Variants in VAV1 observed in about 807,000 individuals in gnomAD.
VAV1 encodes the protein proto-oncogene vav.
VAV1 carries 33 observed loss-of-function variants against 128.1 expected under a neutral mutation model. That is an observed-to-expected ratio of 0.26 (90% CI 0.20 to 0.34). VAV1 has a LOEUF of 0.34. Among genes scored for constraint, VAV1 ranks in the 10% least tolerant of loss-of-function variants. VAV1 has a pLI of 1.00. For missense variants in VAV1, 715 were observed against 1,093.7 expected (o/e 0.65, Z 4.88); for synonymous variants, 394 against 409.8 (o/e 0.96, Z 0.47).
rs781062965 is a variant in VAV1, at chr19:6,828,404, T to C, written c.1024-15T>C. On this transcript the variant is annotated splice_polypyrimidine_tract_variant and intron_variant, in intron 10 of 26. Coordinates refer to ENST00000602142, the MANE Select transcript of VAV1 (RefSeq NM_005428.4). This position sits in a 1 kb window ranked among gnomAD's most constrained non-coding sequence, Gnocchi z 4.5. ...GGAGGGGCCCAGGTGACGTCTGACG[T>C]CTTGGTTCTCTCAGGAGCTGGTGAA... is the stretch of plus-strand genomic sequence containing the variant. 4 of 1,613,874 alleles carry C rather than the reference T, an allele frequency of 2.5e-6. No homozygotes were observed. The highest frequency in any genetic ancestry group is 3.4e-6 in the Non-Finnish European group (4 of 1,179,998).
At chr19:6,846,824 T>C (rs919372369) in intron 22 of VAV1, among the ~76,000 whole-genome samples, 2 of 147,826 alleles carry the variant, frequency 1.4e-5, no homozygotes, top group African/African-American at 4.9e-5. Flanking sequence ...TATATAATGA[T>C]TATATATTAT....
At position 6,820,675 on chromosome 19, in the gene VAV1, C is replaced by T. The variant is rs779222036; in HGVS notation, c.205-27C>T. Reference sequence around the variant, plus strand: ...TCTCCCCTGCCCTTTCGTACTGCCCCACCCTCATTTCTCTGTCTCCTCACA... The same window carrying T: ...TCTCCCCTGCCCTTTCGTACTGCCCTACCCTCATTTCTCTGTCTCCTCACA... On this transcript the variant is annotated intron_variant, in intron 1 of 26. Coordinates refer to ENST00000602142, the MANE Select transcript of VAV1 (RefSeq NM_005428.4). This position sits in a 1 kb window ranked among gnomAD's most constrained non-coding sequence, Gnocchi z 4.4. The T allele has an allele frequency of 1.3e-5, 21 of 1,607,138 alleles. No individual in the cohort carries two copies. The highest frequency in any genetic ancestry group is 1.7e-5 in the Admixed American group (1 of 59,974).
rs1243266628 is a variant in VAV1, at chr19:6,832,632, C to T, written c.1508+432C>T. On this transcript the variant is annotated intron_variant, in intron 15 of 26. Coordinates refer to ENST00000602142, the MANE Select transcript of VAV1 (RefSeq NM_005428.4). Reference sequence around the variant, plus strand: ...ATTCCTCCTCCACCTCTTCTTCCTCCTCCTCCCTTTCCTCCCCTTCTTCCT... The same window carrying T: ...ATTCCTCCTCCACCTCTTCTTCCTCTTCCTCCCTTTCCTCCCCTTCTTCCT... 1.8e-3 allele frequency among the ~76,000 whole-genome samples: 228 copies of T among 123,426 alleles called. 1 individual carries two copies. The highest frequency in any genetic ancestry group is 4.3e-3 in the Middle Eastern group (1 of 232). The allele number at this position is 123,426 out of a possible 152,430, so 81.0% of individuals were successfully genotyped here. A position where few individuals can be genotyped will look rare whatever the true frequency, so the allele number is the denominator to read the frequency against.
intron 25 of VAV1, 111 bp from the exon 26 acceptor site, chr19:6,853,836 A>G: frequency 7.3e-7 from 1 of 1,367,764 alleles, no homozygotes; most frequent in Non-Finnish European, 1.0e-6. Context: ...TGCAGAAAAG[A>G]GCACTGAGGA....
intron 22 of VAV1, among the ~76,000 whole-genome samples, chr19:6,846,216 T>C (rs1307837511): frequency 6.6e-6 from 1 of 151,176 alleles, no homozygotes; most frequent in Non-Finnish European, 1.5e-5. Flanking sequence ...TTATTGTATG[T>C]TACATTTAAA....
rs1206683219 is a variant in VAV1, at chr19:6,822,341, G to C, written c.558+12G>C. On this transcript the variant is annotated intron_variant, in intron 5 of 26. Transcript: ENST00000602142. This position sits in a 1 kb window ranked among gnomAD's most constrained non-coding sequence, Gnocchi z 5.9. ...CCGTGTCCATGCCGGTGCGTGACGT[G>C]GAGGGTCGGGCCTGGGGAGGGCGTG... 2 of 1,566,018 alleles carry C rather than the reference G, an allele frequency of 1.3e-6. No individual in the cohort carries two copies. Among genetic ancestry groups the C allele is most frequent in the African/African-American group, 2.7e-5 (2 of 74,352 alleles).
intron 22 of VAV1, among the ~76,000 whole-genome samples, chr19:6,846,642 A>G (rs1230772190): frequency 1.3e-5 from 2 of 148,786 alleles, no homozygotes; most frequent in Non-Finnish European, 3.0e-5. Context: ...CATTTATAAT[A>G]TATTGTATGT....
intron 1 of VAV1, among the ~76,000 whole-genome samples, chr19:6,780,012 G>A (rs1253106943): frequency 1.3e-5 from 2 of 148,764 alleles, no homozygotes; most frequent in Non-Finnish European, 3.0e-5. Context: ...TCGGGAGGCT[G>A]AAGCAGGAGA....
intron 1 of VAV1, among the ~76,000 whole-genome samples, chr19:6,779,831 G>C (rs1439144785): frequency 6.7e-6 from 1 of 149,924 alleles, no homozygotes; most frequent in Non-Finnish European, 1.5e-5. Context: ...ATAATAAAAG[G>C]CCGGGCACGG....
At chr19:6,817,799 C>T (rs1971688207) in intron 1 of VAV1, among the ~76,000 whole-genome samples, 1 of 151,952 alleles carries the variant, frequency 6.6e-6, no homozygotes, top group Non-Finnish European at 1.5e-5. Flanking sequence ...CAATCCTCCT[C>T]TCTCAGCCTC....
In VAV1 at chr19:6,826,565, C is replaced by T; in HGVS notation, c.828-47C>T. ...AGGGCTGACGCCAGCCTCTGCCCGA[C>T]CTTGATGCCAGTCACCTTTACCTGG... is the stretch of plus-strand genomic sequence containing the variant. On this transcript the variant is annotated intron_variant, in intron 8 of 26. Coordinates refer to ENST00000602142, the MANE Select transcript of VAV1 (RefSeq NM_005428.4). This position sits in a 1 kb window ranked among gnomAD's most constrained non-coding sequence, Gnocchi z 4.1. The T allele has an allele frequency of 6.8e-7, 1 of 1,463,834 alleles. No individual in the cohort carries two copies. The allele number at this position is 1,463,834 out of a possible 1,614,324, so 90.7% of individuals were successfully genotyped here.
At chr19:6,842,965 C>T (rs546832235) in intron 21 of VAV1, among the ~76,000 whole-genome samples, 170 bp from the exon 22 acceptor site, 1 of 152,230 alleles carries the variant, frequency 6.6e-6, no homozygotes, top group South Asian at 2.1e-4. Context: ...CAGTCTCTCC[C>T]CCGAGGTTCT....
chr19:6,816,556 G>C (rs1599649658), intron 1 of VAV1: 1 of 132,934 alleles, frequency 7.5e-6, no homozygotes, highest in East Asian at 2.1e-4. Context: ...CACACAGAAC[G>C]TGGGTTCTAG....
chr19:6,844,989 C>A (rs545821287), intron 22 of VAV1, among the ~76,000 whole-genome samples: 9 of 152,104 alleles, frequency 5.9e-5, no homozygotes, highest in African/African-American at 2.2e-4. Flanking sequence ...TGTCTTTATT[C>A]AAAATGTTGA....
rs767321559 is a variant in VAV1, at chr19:6,853,958, A to G, written c.2344A>G (p.Lys782Glu). 2.3e-5 allele frequency: 37 copies of G among 1,611,534 alleles called. No individual in the cohort carries two copies. Among genetic ancestry groups the G allele is most frequent in the Non-Finnish European group, 3.1e-5 (37 of 1,179,990 alleles). The change falls in exon 26 of 27, where the codon AAG becomes GAG. Residue 782 changes from lysine (K) to glutamate (E), a missense_variant. By Grantham distance (56) the Lys-to-Glu change is moderately conservative. Transcript: ENST00000602142. ...TISRPAVGSTKYFGTAKARYD... is the reference protein window; with the variant it reads ...TISRPAVGSTEYFGTAKARYD... ...TTCTCTCTCCACAGTGGGAAGCACA[A>G]AGTATTTTGGCACAGCCAAAGCCCG...
intron 1 of VAV1, among the ~76,000 whole-genome samples, chr19:6,817,764 G>A (rs1383600915): frequency 1.3e-5 from 2 of 151,772 alleles, no homozygotes; most frequent in Non-Finnish European, 1.5e-5. Context: ...GTGGCTCACC[G>A]CAGCCTCCAC....
rs199829070 is a variant in VAV1 at position 6,772,930 on chromosome 19, C to T, written c.123C>T (p.Val41=). The change falls in exon 1 of 27, where the codon GTC becomes GTT. Residue 41 remains valine (V), a synonymous_variant. Transcript: ENST00000602142. The surrounding 1 kb of genome is among the most constrained non-coding windows in gnomAD (Gnocchi z 4.8). The part of the protein sequence containing the change: ...CELAQALRDG[V]LLCQLLNNLL... ...TGGCCCAGGCCCTCCGGGATGGTGT[C>T]CTTCTGTGTCAGCTGCTTAACAACC... 6.2e-7 allele frequency: 1 copy of T among 1,614,104 alleles called. No homozygotes were observed. The highest frequency in any genetic ancestry group is 1.7e-5 in the Admixed American group (1 of 60,012).
chr19:6,791,028 C>G (rs2144713115), intron 1 of VAV1, among the ~76,000 whole-genome samples: 1 of 152,310 alleles, frequency 6.6e-6, no homozygotes, highest in South Asian at 2.1e-4. Flanking sequence ...TCACATGCAT[C>G]CTTGGATTGT....
At chr19:6,781,806 C>T (rs1970773168) in intron 1 of VAV1, among the ~76,000 whole-genome samples, 1 of 151,858 alleles carries the variant, frequency 6.6e-6, no homozygotes, top group Non-Finnish European at 1.5e-5. Flanking sequence ...CAGGGTTTCG[C>T]CATGTTGGCC....
Sources: gnomAD v4.1 joint callset for allele counts (sites outside exome capture counted in the v4.1 genomes callset) on GRCh38, gnomAD v4.1.1 for gene constraint, Gnocchi (gnomAD v3.1) non-coding constraint, MANE v1.5 for transcripts, NCBI Gene and HGNC (gene_info 2026-07-23, HGNC 2026-07-21) for gene names.